Variants in SCAI observed in about 807,000 individuals in gnomAD.
SCAI encodes the protein protein SCAI.
A neutral mutation model predicts 92.2 loss-of-function variants in SCAI; 24 were observed. The observed-to-expected ratio is 0.26, with a 90% confidence interval of 0.19 to 0.37. SCAI has a LOEUF of 0.37. Ranked by LOEUF, SCAI falls within the 10% of genes least tolerant of loss-of-function variation. The pLI is 1.00. For synonymous variants in SCAI, 261 were observed against 258.6 expected (o/e 1.01, Z -0.09); for missense variants, 450 against 736.2 (o/e 0.61, Z 4.50).
Position 125,037,669 on chromosome 9 carries a change from C to T in SCAI, c.231-7930G>A, listed in dbSNP as rs575737645. 3.9e-5 allele frequency among the ~76,000 whole-genome samples: 6 copies of T among 152,284 alleles called. No individual in the cohort carries two copies. In the South Asian group the frequency reaches 6.2e-4, roughly 16 times the overall value. On this transcript the variant is annotated intron_variant, in intron 3 of 17. Transcript: ENST00000336505. ...GTGGCTCAAGCCTGTAATATCAGCA[C>T]TTTGGGAGGCCAAGGCGGGCGGATC...
At chr9:124,991,991 A>G (rs1439493416) in intron 14 of SCAI, among the ~76,000 whole-genome samples, 2 of 152,190 alleles carry the variant, frequency 1.3e-5, no homozygotes, top group Non-Finnish European at 2.9e-5. Flanking sequence ...ATCGCAGCTC[A>G]TGCATCTTTG....
At chr9:124,983,277 G>A (rs191044544) in intron 14 of SCAI, among the ~76,000 whole-genome samples, 3 of 152,114 alleles carry the variant, frequency 2.0e-5, no homozygotes, top group Non-Finnish European at 4.4e-5. Flanking sequence ...ACTGCTACAG[G>A]TGCTAGAGAT....
At chr9:125,119,348 T>C (rs1005844644) in intron 2 of SCAI, among the ~76,000 whole-genome samples, 11 of 152,206 alleles carry the variant, frequency 7.2e-5, no homozygotes, top group African/African-American at 2.4e-4. Context: ...GCACACAACC[T>C]TCTAAACTAG....
At chr9:125,106,421 T>C (rs1834801945) in intron 2 of SCAI, among the ~76,000 whole-genome samples, 1 of 151,710 alleles carries the variant, frequency 6.6e-6, no homozygotes, top group Non-Finnish European at 1.5e-5. Context: ...AAGACTTCTC[T>C]GTCCTCTCTT....
In SCAI at chr9:124,994,943, A is replaced by C. The variant is rs753713778; in HGVS notation, c.1317T>G (p.Val439=). 1 of 1,612,066 alleles carries C rather than the reference A, an allele frequency of 6.2e-7. No individual in the cohort carries two copies. Among genetic ancestry groups the C allele is most frequent in the Non-Finnish European group, 8.5e-7 (1 of 1,178,912 alleles). The part of the protein sequence containing the change: ...LFIIVDSSNS[V]AYKNFTNLFG... ...CTCTCATGGAACTCACCTTATACGCAACACTATTAGACGAATCCACAATGA... is the reference window on the plus strand; with the variant it reads ...CTCTCATGGAACTCACCTTATACGCCACACTATTAGACGAATCCACAATGA... Residue 439 remains valine, a synonymous_variant, in exon 14 of 18, where the codon GTT becomes GTG. Transcript: ENST00000336505.
intron 2 of SCAI, among the ~76,000 whole-genome samples, chr9:125,110,628 G>C (rs1325049126): frequency 6.6e-6 from 1 of 152,070 alleles, no homozygotes; most frequent in East Asian, 1.9e-4. Flanking sequence ...CCACTCTCTT[G>C]CTCCTGCTCC....
chr9:125,009,062 G>GA (rs543801181), intron 9 of SCAI, among the ~76,000 whole-genome samples: 84 of 151,548 alleles, frequency 5.5e-4, no homozygotes, highest in African/African-American at 1.9e-3. Context: ...TCAAAGTGCT[G>GA]AAAAAAAATT....
intron 2 of SCAI, among the ~76,000 whole-genome samples, chr9:125,093,328 T>A (rs912161887): frequency 3.9e-5 from 6 of 152,048 alleles, no homozygotes; most frequent in Non-Finnish European, 1.5e-5. Context: ...GCCACTGCAC[T>A]CCAGCCTGGG....
At chr9:125,115,612 A>G (rs1295889169) in intron 2 of SCAI, among the ~76,000 whole-genome samples, 3 of 152,210 alleles carry the variant, frequency 2.0e-5, no homozygotes, top group Admixed American at 2.0e-4. Flanking sequence ...ACTAAAGAAT[A>G]CATACAGTAT....
At chr9:125,095,656 C>T (rs979589549) in intron 2 of SCAI, among the ~76,000 whole-genome samples, 4 of 152,186 alleles carry the variant, frequency 2.6e-5, no homozygotes, top group Non-Finnish European at 4.4e-5. Flanking sequence ...AGTGATGTAA[C>T]TTTGAGAACT....
intron 6 of SCAI, among the ~76,000 whole-genome samples, chr9:125,023,052 CCT>C (rs1231977002): frequency 6.6e-6 from 1 of 151,864 alleles, no homozygotes; most frequent in Non-Finnish European, 1.5e-5. Context: ...TTCTTTATCC[CCT>C]TTCTTCTTTC....
chr9:125,133,714 A>C (rs1214102638), intron 2 of SCAI, among the ~76,000 whole-genome samples: 2 of 152,178 alleles, frequency 1.3e-5, no homozygotes, highest in African/African-American at 4.8e-5. Flanking sequence ...CTGTATGCCA[A>C]CTGTACCTCT....
intron 2 of SCAI, among the ~76,000 whole-genome samples, chr9:125,136,648 A>G (rs1254795672): frequency 6.6e-6 from 1 of 150,932 alleles, no homozygotes; most frequent in Non-Finnish European, 1.5e-5. Flanking sequence ...TTTAGTAGAG[A>G]CGGGGTTTCG....
chr9:125,039,241 G>A (rs1241338678), intron 3 of SCAI, among the ~76,000 whole-genome samples: 3 of 152,068 alleles, frequency 2.0e-5, no homozygotes, highest in Non-Finnish European at 4.4e-5. Context: ...AAAAGAATTA[G>A]CTAGGCGTGG....
intron 2 of SCAI, among the ~76,000 whole-genome samples, chr9:125,073,230 G>A (rs1007663793): frequency 7.0e-6 from 1 of 142,636 alleles, no homozygotes; most frequent in Non-Finnish European, 1.5e-5. Context: ...TCAGCCTCCC[G>A]AGTAGCTGGG....
intron 9 of SCAI, among the ~76,000 whole-genome samples, chr9:125,005,296 A>T (rs954225911): frequency 1.3e-5 from 2 of 152,182 alleles, no homozygotes; most frequent in Non-Finnish European, 2.9e-5. Flanking sequence ...GTTTATGAAG[A>T]TTACTAACTA....
chr9:125,108,564 CCG>C (rs1834861917), intron 2 of SCAI, among the ~76,000 whole-genome samples: 2 of 144,450 alleles, frequency 1.4e-5, no homozygotes, highest in Admixed American at 6.9e-5. Context: ...CCCAGCCGCC[CCG>C]TCTGAGAAGT....
chr9:125,028,336 G>C lies in SCAI; in HGVS notation c.413+56C>G, dbSNP rs895148680. ...GAGTATACTATGTATGTATACTTCT[G>C]CATGCTGTGTTTTAATCAGACAACA... On this transcript the variant is annotated intron_variant, in intron 5 of 17. Coordinates refer to ENST00000336505, the MANE Select transcript of SCAI (RefSeq NM_001144877.3). 3.1e-6 allele frequency: 3 copies of C among 967,330 alleles called. No individual in the cohort carries two copies. The African/African-American group carries it at 4.9e-5, about 16-fold the overall frequency. The allele number at this position is 967,330 out of a possible 1,614,324, so 59.9% of individuals were successfully genotyped here. A position where few individuals can be genotyped will look rare whatever the true frequency, so the allele number is the denominator to read the frequency against.
chr9:125,110,332 A>G lies in SCAI; in HGVS notation c.98+32301T>C, dbSNP rs530722264. ...AATTAAACAGTGGTCCAAATGTGAG[A>G]CTATGTTTCTAAAACACAATTTTAA... On this transcript the variant is annotated intron_variant, in intron 2 of 17. Coordinates refer to ENST00000336505, the MANE Select transcript of SCAI (RefSeq NM_001144877.3). Among the ~76,000 whole-genome samples the G allele has an allele frequency of 9.2e-5, 14 of 152,314 alleles. 1 individual carries two copies. The South Asian group carries it at 2.9e-3, about 32-fold the overall frequency.
Sources: allele counts gnomAD v4.1 joint callset (sites outside exome capture counted in the v4.1 genomes callset), GRCh38; gene constraint gnomAD v4.1.1; transcripts MANE v1.5; gene names NCBI Gene and HGNC (gene_info 2026-07-23, HGNC 2026-07-21).